SVEP1: variants seen among roughly 807,000 people sequenced by gnomAD.
The protein encoded by SVEP1 is sushi, von Willebrand factor type A, EGF and pentraxin domain-containing protein 1.
SVEP1 carries 164 observed loss-of-function variants against 367.3 expected under a neutral mutation model. The observed-to-expected ratio is 0.45, with a 90% CI of 0.39 to 0.51. SVEP1 has a LOEUF of 0.51. Among genes scored for constraint, SVEP1 ranks in the 20% least tolerant of loss-of-function variants. The pLI, the probability that SVEP1 is intolerant of heterozygous loss-of-function variation, is 0.00. For synonymous variants in SVEP1, 1,666 were observed against 1,611.6 expected, an observed-to-expected ratio of 1.03 and a Z score of -0.81; for missense variants, 4,117 against 4,425.3, an observed-to-expected ratio of 0.93 and a Z score of 1.98.
At position 110,427,617 on chromosome 9, in the gene SVEP1, G is replaced by A; in HGVS notation, c.5949C>T (p.Asn1983=). 1 of 1,613,758 alleles carries A rather than the reference G, an allele frequency of 6.2e-7. No homozygotes were observed. Among genetic ancestry groups the A allele is most frequent in the African/African-American group, 1.3e-5 (1 of 75,022 alleles). The stretch of plus-strand genomic sequence containing the variant: ...CTTCTTTGCAAGTGTAAGTGACGGT[G>A]TTCCTGAAAGTGAAGTTATTCCCCG... ...VITGNNFTFR[N]TVTYTCKEGY... Residue 1983 remains asparagine, a synonymous_variant, in exon 36 of 48, where the codon AAC becomes AAT. Transcript: ENST00000374469.
chr9:110,375,413 G>A lies in SVEP1; in HGVS notation c.10555C>T (p.Gln3519Ter). 1 of 1,537,516 alleles carries A rather than the reference G, an allele frequency of 6.5e-7. No individual in the cohort carries two copies. Among genetic ancestry groups the A allele is most frequent in the Non-Finnish European group, 8.8e-7 (1 of 1,140,810 alleles). The change falls in exon 46 of 48, where the codon CAG (glutamine) becomes TAG (stop). Residue 3519 changes from glutamine to a stop codon, truncating the protein, a stop_gained. Transcript: ENST00000374469. LOFTEE classifies it high-confidence loss of function. ...GTCCAGCCAGGCGGGCAGTCACACT[G>A]GTAAGGGGCCACACAGCGACCTCCG... ...LNGGRCVAPY[Q>*]CDCPPGWTGS...
intron 1 of SVEP1, among the ~76,000 whole-genome samples, chr9:110,570,759 G>C (rs971023187): frequency 5.9e-5 from 9 of 151,902 alleles, no homozygotes; most frequent in African/African-American, 2.2e-4. Flanking sequence ...GGGATTATAG[G>C]CATGAACCAC....
rs978519315 is a variant in SVEP1 at position 110,503,131 on chromosome 9, C to G, written c.1390G>C (p.Val464Leu). 1.2e-6 allele frequency: 2 copies of G among 1,613,072 alleles called. No homozygotes were observed. Among genetic ancestry groups the G allele is most frequent in the Admixed American group, 1.7e-5 (1 of 59,930 alleles). ...AGTCTGTACCCTTCATCACAGGCAACCAAACATGTTGTCTTATATAACATT... is the reference window on the plus strand; with the variant it reads ...AGTCTGTACCCTTCATCACAGGCAAGCAAACATGTTGTCTTATATAACATT... The part of the protein sequence containing the change: ...REMLYKTTCL[V>L]ACDEGYRLEG... Residue 464 changes from valine (V) to leucine (L), a missense_variant, in exon 6 of 48, where the codon GTT (valine) becomes CTT (leucine). Physicochemically the swap from Val to Leu is conservative, Grantham distance 32. Transcript: ENST00000374469.
chr9:110,536,989 G>A (rs758122519), intron 3 of SVEP1, among the ~76,000 whole-genome samples: 7 of 151,964 alleles, frequency 4.6e-5, no homozygotes, highest in Non-Finnish European at 1.0e-4. Context: ...GTGAATGATT[G>A]CGATGATTGT....
At position 110,512,960 on chromosome 9, in the gene SVEP1, A is replaced by T; in HGVS notation, c.1269T>A (p.Asn423Lys). The change falls in exon 5 of 48, where the codon AAT becomes AAA. Residue 423 changes from asparagine to lysine, a missense_variant. By Grantham distance (94) the Asn-to-Lys change is moderately conservative. Transcript: ENST00000374469. ...AGCTCTCTGAACCGGACCACAAACC[A>T]TTGGGTAGACATAAGATGATGCTGC... ...VGSSIILCLP[N>K]GLWSGSESYC... 2 of 1,614,008 alleles carry T rather than the reference A, an allele frequency of 1.2e-6. No individual in the cohort carries two copies. Among genetic ancestry groups the T allele is most frequent in the South Asian group, 2.2e-5 (2 of 91,082 alleles).
chr9:110,433,156 C>A (rs921490009), intron 30 of SVEP1, among the ~76,000 whole-genome samples: 1 of 152,152 alleles, frequency 6.6e-6, no homozygotes, highest in Non-Finnish European at 1.5e-5. Context: ...TGAGCAGGTG[C>A]CAGCACCATG....
intron 43 of SVEP1, among the ~76,000 whole-genome samples, chr9:110,381,734 C>A (rs1413526589): frequency 1.3e-5 from 2 of 152,080 alleles, no homozygotes; most frequent in African/African-American, 4.8e-5. Context: ...GAGTTCAAGT[C>A]CTGAATATCC....
intron 3 of SVEP1, among the ~76,000 whole-genome samples, chr9:110,522,687 G>A (rs1053112457): frequency 7.9e-5 from 12 of 152,140 alleles, no homozygotes; most frequent in Admixed American, 3.9e-4. Flanking sequence ...GTGTAGTTTG[G>A]TGTTTATTGT....
chr9:110,572,631 G>T (rs1830577411), intron 1 of SVEP1, among the ~76,000 whole-genome samples: 1 of 151,942 alleles, frequency 6.6e-6, no homozygotes, highest in Admixed American at 6.6e-5. Context: ...GGAGGTCGAG[G>T]TGGGCTGGTC....
intron 47 of SVEP1, 29 bp from the exon 48 acceptor site, chr9:110,366,589 A>G (rs1488474016): frequency 1.4e-5 from 21 of 1,519,166 alleles, no homozygotes; most frequent in Non-Finnish European, 1.7e-5. Context: ...GCAACCAAAT[A>G]GATTCAAAAG....
At chr9:110,382,716 C>T (rs908261485) in intron 43 of SVEP1, among the ~76,000 whole-genome samples, 8 of 152,138 alleles carry the variant, frequency 5.3e-5, no homozygotes, top group Non-Finnish European at 7.4e-5. Flanking sequence ...ATCATAGGTT[C>T]GGTCTTTTTA....
intron 3 of SVEP1, among the ~76,000 whole-genome samples, chr9:110,519,424 G>C (rs1163926091): frequency 2.0e-5 from 3 of 152,056 alleles, no homozygotes; most frequent in African/African-American, 7.2e-5. Context: ...GCTTCTGAGT[G>C]AATCTCCAGC....
chr9:110,372,188 C>G (rs1447142381), intron 46 of SVEP1, among the ~76,000 whole-genome samples: 2 of 152,210 alleles, frequency 1.3e-5, no homozygotes, highest in Admixed American at 1.3e-4. Flanking sequence ...TGTTTCTCCT[C>G]AGATTCTATG....
intron 3 of SVEP1, among the ~76,000 whole-genome samples, chr9:110,520,105 A>G (rs774342618): frequency 2.0e-5 from 3 of 152,222 alleles, no homozygotes; most frequent in Admixed American, 6.5e-5. Context: ...AATAATCAAG[A>G]GTTTAAAACA....
At position 110,546,390 on chromosome 9, in the gene SVEP1, T is replaced by C. The variant is rs1428366310; in HGVS notation, c.788-99A>G. 4 of 1,323,224 alleles carry C rather than the reference T, an allele frequency of 3.0e-6. No homozygotes were observed. The African/African-American group carries it at 4.4e-5, about 15-fold the overall frequency. 82.0% of individuals were successfully genotyped at this position (1,323,224 alleles called of 1,614,324 possible). On this transcript the variant is annotated intron_variant, in intron 2 of 47. Coordinates refer to ENST00000374469, the MANE Select transcript of SVEP1 (RefSeq NM_153366.4). ...TTAAGTGCAAGCTGGAGAAAATATC[T>C]TTCCATATCCCTCTAATTCCCAACT...
At chr9:110,456,197 T>G (rs1222595973) in intron 21 of SVEP1, among the ~76,000 whole-genome samples, 2 of 152,172 alleles carry the variant, frequency 1.3e-5, no homozygotes, top group Admixed American at 1.3e-4. Context: ...TCCTCCTCAC[T>G]AGCATCAGCA....
chr9:110,404,735 A>G (rs1382692637), intron 38 of SVEP1, among the ~76,000 whole-genome samples, 183 bp from the exon 39 acceptor site: 1 of 151,952 alleles, frequency 6.6e-6, no homozygotes, highest in African/African-American at 2.4e-5. Flanking sequence ...AACAATAACA[A>G]CCAGTTGAGC....
intron 24 of SVEP1, among the ~76,000 whole-genome samples, chr9:110,448,154 TGTGTGTGTGCGCGCGCTC>T (rs1259744228): frequency 1.7e-5 from 1 of 59,880 alleles, no homozygotes; most frequent in Non-Finnish European, 3.2e-5. Context: ...TGTGTGCGCG[TGTGTGTGTGCGCGCGCTC>T]GCGCGTGTGT....
At chr9:110,461,835 C>T (rs1339074425) in intron 18 of SVEP1, among the ~76,000 whole-genome samples, 2 of 152,056 alleles carry the variant, frequency 1.3e-5, no homozygotes, top group Non-Finnish European at 2.9e-5. Context: ...TAAACTGTAT[C>T]TTTATTTCAC....
Sources: allele counts gnomAD v4.1 joint callset (sites outside exome capture counted in the v4.1 genomes callset), GRCh38; gene constraint gnomAD v4.1.1; transcripts MANE v1.5; gene names NCBI Gene and HGNC (gene_info 2026-07-23, HGNC 2026-07-21).